SHROOM4: variants seen among roughly 807,000 people sequenced by gnomAD.
The protein encoded by SHROOM4 is shroom family member 4, also known as protein Shroom4.
A neutral mutation model predicts 80.3 loss-of-function variants in SHROOM4; 17 were observed. That is an observed-to-expected ratio of 0.21 (90% CI 0.14 to 0.32). SHROOM4 has a LOEUF of 0.32. Among genes scored for constraint, SHROOM4 ranks in the 10% least tolerant of loss-of-function variants. The pLI is 1.00. For missense variants in SHROOM4, 993 were observed against 1,140.3 expected, an observed-to-expected ratio of 0.87 and a Z score of 1.86; for synonymous variants, 400 against 437.5, an observed-to-expected ratio of 0.91 and a Z score of 1.07.
rs1928833176 is a variant in SHROOM4, at chrX:50,589,935, C to A, written c.*6760G>T. On this transcript the variant is annotated 3_prime_UTR_variant, in exon 9 of 9. Coordinates refer to ENST00000376020, the MANE Select transcript of SHROOM4 (RefSeq NM_020717.5). ...TCCAATTTCTTCATTTCCTCACCAA[C>A]ACTTGTTATTGTTTGGCTTTTTGAT... is the stretch of plus-strand genomic sequence containing the variant. Among the ~76,000 whole-genome samples, 1 of 112,229 alleles carries A rather than the reference C, an allele frequency of 8.9e-6. No homozygotes were observed. Among genetic ancestry groups the A allele is most frequent in the Non-Finnish European group, 1.9e-5 (1 of 53,276 alleles).
Position 50,635,284 on chromosome X carries a change from C to T in SHROOM4, c.789G>A (p.Gln263=). ...QMSSRPQEGY[Q]SGPAKAVRGP... ...CCCTGACTGCTTTGGCGGGCCCTGA[C>T]TGGTATCCCTCCTGTGGACGGGATG... Residue 263 remains glutamine, a synonymous_variant, in exon 4 of 9, where the codon CAG becomes CAA. Transcript: ENST00000376020. The T allele has an allele frequency of 8.3e-7, 1 of 1,201,484 alleles. No homozygotes were observed. Among genetic ancestry groups the T allele is most frequent in the Non-Finnish European group, 1.1e-6 (1 of 890,250 alleles).
intron 1 of SHROOM4, among the ~76,000 whole-genome samples, chrX:50,744,546 T>G (rs1466072856): frequency 2.7e-5 from 3 of 111,954 alleles, no homozygotes. Context: ...TTTTTGGATA[T>G]ATTTATAATA....
At chrX:50,727,792 C>T (rs1344947692) in intron 1 of SHROOM4, among the ~76,000 whole-genome samples, 2 of 111,684 alleles carry the variant, frequency 1.8e-5, no homozygotes, top group Non-Finnish European at 3.8e-5. Context: ...ATACCCTATA[C>T]CAGGACTTGC....
intron 1 of SHROOM4, among the ~76,000 whole-genome samples, chrX:50,774,815 C>T (rs1935471807): frequency 9.0e-6 from 1 of 111,448 alleles, no homozygotes; most frequent in Non-Finnish European, 1.9e-5. Flanking sequence ...GTTTCAGAAC[C>T]TTAATCTGAT....
chrX:50,674,464 C>A (rs184403501), intron 2 of SHROOM4, among the ~76,000 whole-genome samples: 2 of 110,961 alleles, frequency 1.8e-5, no homozygotes, highest in African/African-American at 6.5e-5. Flanking sequence ...AAAAGCAATT[C>A]AATGGAAAAA....
chrX:50,664,909 A>G (rs1932640136), intron 2 of SHROOM4, among the ~76,000 whole-genome samples: 1 of 106,660 alleles, frequency 9.4e-6, no homozygotes, highest in South Asian at 4.1e-4. Context: ...ACAACACACC[A>G]CACCACACAC....
At chrX:50,795,127 GATATAT>G (rs1296594833) in intron 1 of SHROOM4, among the ~76,000 whole-genome samples, 186 of 2,255 alleles carry the variant, frequency 0.082, 4 homozygotes, top group South Asian at 0.23. Flanking sequence ...ATATATATAT[GATATAT>G]ATATATATAT....
chrX:50,727,607 T>C (rs1934270096), intron 1 of SHROOM4, among the ~76,000 whole-genome samples: 1 of 112,003 alleles, frequency 8.9e-6, no homozygotes, highest in Non-Finnish European at 1.9e-5. Context: ...ACTTCCTCAC[T>C]TTCTCTCTCT....
chrX:50,645,209 T>C (rs1371387956), intron 2 of SHROOM4, among the ~76,000 whole-genome samples: 1 of 111,893 alleles, frequency 8.9e-6, no homozygotes, highest in East Asian at 2.8e-4. Context: ...CTGATGCTCC[T>C]GGTGTGATAA....
At chrX:50,663,560 T>C (rs1557260127) in intron 2 of SHROOM4, among the ~76,000 whole-genome samples, 1 of 110,231 alleles carries the variant, frequency 9.1e-6, no homozygotes, top group Non-Finnish European at 1.9e-5. Flanking sequence ...GCCTACTAAG[T>C]AAAGCTTGCT....
intron 2 of SHROOM4, among the ~76,000 whole-genome samples, chrX:50,681,348 G>A (rs1188828165): frequency 1.8e-5 from 2 of 111,589 alleles, no homozygotes; most frequent in African/African-American, 6.5e-5. Flanking sequence ...GGCCCTGTGT[G>A]ATTATATGCC....
chrX:50,746,734 C>T (rs937396188), intron 1 of SHROOM4, among the ~76,000 whole-genome samples: 49 of 112,096 alleles, frequency 4.4e-4, no homozygotes, highest in Non-Finnish European at 7.5e-4. Context: ...AATGTTTTCC[C>T]ATTGTCCTTC....
intron 1 of SHROOM4, among the ~76,000 whole-genome samples, chrX:50,737,679 A>G (rs1437477542): frequency 9.0e-6 from 1 of 111,353 alleles, no homozygotes; most frequent in Non-Finnish European, 1.9e-5. Context: ...AATTGAGGCA[A>G]TAATTAATAG....
At position 50,595,591 on chromosome X, in the gene SHROOM4, G is replaced by A. The variant is rs1488275914; in HGVS notation, c.*1104C>T. 3.2e-5 allele frequency: 7 copies of A among 221,038 alleles called. No individual in the cohort carries two copies. In the Admixed American group the frequency reaches 3.6e-4, roughly 11 times the overall value. 18.2% of individuals were successfully genotyped at this position (221,038 alleles called of 1,213,427 possible). A position where few individuals can be genotyped will look rare whatever the true frequency, so the allele number is the denominator to read the frequency against. On this transcript the variant is annotated 3_prime_UTR_variant, in exon 9 of 9. Transcript: ENST00000376020. ...TCAAGTCACTTAGACTTTAAGGGAA[G>A]CACAAGGCCAGGCCACAGTAGGGAG...
intron 1 of SHROOM4, among the ~76,000 whole-genome samples, chrX:50,743,069 A>G (rs1057278260): frequency 3.1e-4 from 34 of 108,211 alleles, no homozygotes; most frequent in African/African-American, 1.1e-3. Context: ...ACCTCTTTCA[A>G]TTGACTCCAG....
At chrX:50,629,904 G>T (rs5915287) in intron 4 of SHROOM4, among the ~76,000 whole-genome samples, 52,402 of 109,003 alleles carry the variant, frequency 0.48, 10,706 homozygotes, top group Admixed American at 0.64. Flanking sequence ...AACCCATGCT[G>T]CAAGTTTTTC....
intron 2 of SHROOM4, among the ~76,000 whole-genome samples, chrX:50,682,204 A>T (rs1557261870): frequency 8.9e-6 from 1 of 112,245 alleles, no homozygotes; most frequent in Admixed American, 9.5e-5. Flanking sequence ...GCTAGTTCTT[A>T]TAAATAGCAT....
chrX:50,649,021 TA>T (rs781962562), intron 2 of SHROOM4, among the ~76,000 whole-genome samples: 1 of 111,330 alleles, frequency 9.0e-6, no homozygotes, highest in East Asian at 2.8e-4. Context: ...ATAGACACAA[TA>T]AAAGGTAAAA....
At chrX:50,793,018 T>C (rs1326011410) in intron 1 of SHROOM4, among the ~76,000 whole-genome samples, 2 of 107,012 alleles carry the variant, frequency 1.9e-5, no homozygotes, top group Non-Finnish European at 3.8e-5. Flanking sequence ...CATTGGAGCA[T>C]TGTTTATAAT....
Sources: gnomAD v4.1 joint callset for allele counts (sites outside exome capture counted in the v4.1 genomes callset) on GRCh38, gnomAD v4.1.1 for gene constraint, MANE v1.5 for transcripts, NCBI Gene and HGNC (gene_info 2026-07-23, HGNC 2026-07-21) for gene names.